Variants in CDK17 observed in about 807,000 individuals in gnomAD.
CDK17 encodes cyclin-dependent kinase 17.
In CDK17, 24 loss-of-function variants were observed where a neutral mutation model predicts 77.6. The observed-to-expected ratio is 0.31, with a 90% CI of 0.22 to 0.44. The LOEUF (loss-of-function observed/expected upper bound fraction) is 0.44. Ranked by LOEUF, CDK17 falls within the 20% of genes least tolerant of loss-of-function variation. CDK17 has a pLI of 1.00. For synonymous variants in CDK17, 203 were observed against 210.4 expected (o/e 0.96, Z 0.30); for missense variants, 429 against 622.5 (o/e 0.69, Z 3.31).
chr12:96,300,295 TTTAC>T lies in CDK17; in HGVS notation c.600+5_600+8del. 1 of 1,564,876 alleles carries T rather than the reference TTTAC, an allele frequency of 6.4e-7. No homozygotes were observed. The highest frequency in any genetic ancestry group is 8.7e-7 in the Non-Finnish European group (1 of 1,145,570). On this transcript the variant is annotated splice_donor_5th_base_variant and intron_variant, in intron 6 of 16. Coordinates refer to ENST00000261211, the MANE Select transcript of CDK17 (RefSeq NM_002595.5). ...AAATGTGTCTTACATTTTTGAGATA[TTTAC>T]TTACCTCTCCAAGCTTTTCCAATTT...
chr12:96,331,323 T>C (rs1037432451), intron 2 of CDK17, among the ~76,000 whole-genome samples: 1 of 152,216 alleles, frequency 6.6e-6, no homozygotes, highest in Non-Finnish European at 1.5e-5. Context: ...CAAAATTCTT[T>C]TTCTTCCAGG....
In CDK17 at chr12:96,280,237, C is replaced by T; in HGVS notation, c.*5G>A. On this transcript the variant is annotated 3_prime_UTR_variant, in exon 17 of 17. Transcript: ENST00000261211. ...GGGGCTGGGCTTGAAACCATGTTAT[C>T]AGACTTAAAAGAGCATGCTCTGTCT... 2 of 1,550,172 alleles carry T rather than the reference C, an allele frequency of 1.3e-6. No homozygotes were observed. Among genetic ancestry groups the T allele is most frequent in the East Asian group, 4.9e-5 (2 of 40,826 alleles).
Position 96,278,998 on chromosome 12 carries a change from T to C in CDK17, c.*1244A>G, listed in dbSNP as rs1952139530. ...AATTAAGTTATGACTATTTTCATGATATATAAGGCAAAAATTTACACGACC... is the reference window on the plus strand; with the variant it reads ...AATTAAGTTATGACTATTTTCATGACATATAAGGCAAAAATTTACACGACC... On this transcript the variant is annotated 3_prime_UTR_variant, in exon 17 of 17. Transcript: ENST00000261211. The C allele has an allele frequency of 6.6e-6, 1 of 152,586 alleles. No individual in the cohort carries two copies. Among genetic ancestry groups the C allele is most frequent in the African/African-American group, 2.4e-5 (1 of 41,460 alleles). The allele number at this position is 152,586 out of a possible 1,614,324, so 9.5% of individuals were successfully genotyped here. A position where few individuals can be genotyped will look rare whatever the true frequency, so the allele number is the denominator to read the frequency against.
At chr12:96,325,516 G>A (rs531261820) in intron 2 of CDK17, among the ~76,000 whole-genome samples, 2 of 152,318 alleles carry the variant, frequency 1.3e-5, no homozygotes, top group African/African-American at 4.8e-5. Flanking sequence ...CCAGAGAAAT[G>A]GGCCAAGAAG....
chr12:96,337,925 C>G (rs577227253), intron 1 of CDK17, among the ~76,000 whole-genome samples: 1 of 152,300 alleles, frequency 6.6e-6, no homozygotes, highest in South Asian at 2.1e-4. Flanking sequence ...GAGATAACCT[C>G]CGAGCCCTTG....
At chr12:96,310,153 A>G (rs948335186) in intron 5 of CDK17, among the ~76,000 whole-genome samples, 6 of 152,184 alleles carry the variant, frequency 3.9e-5, no homozygotes, top group African/African-American at 1.4e-4. Context: ...AAAACGAATT[A>G]TCTATAATTA....
intron 1 of CDK17, among the ~76,000 whole-genome samples, chr12:96,361,108 C>G (rs1953486469): frequency 6.6e-6 from 1 of 152,136 alleles, no homozygotes; most frequent in African/African-American, 2.4e-5. Context: ...GAAAAGAAAA[C>G]TACGTGTCAA....
intron 5 of CDK17, among the ~76,000 whole-genome samples, chr12:96,307,583 T>C (rs148253269): frequency 6.6e-6 from 1 of 152,188 alleles, no homozygotes; most frequent in African/African-American, 2.4e-5. Flanking sequence ...CCAATAAAAA[T>C]GTCTTGGCCA....
chr12:96,333,177 G>A (rs1952995522), intron 2 of CDK17, among the ~76,000 whole-genome samples: 1 of 151,962 alleles, frequency 6.6e-6, no homozygotes, highest in Non-Finnish European at 1.5e-5. Context: ...ATTCAATGAG[G>A]GGGTCTAAAA....
At position 96,297,344 on chromosome 12, in the gene CDK17, C is replaced by T. The variant is rs369774586; in HGVS notation, c.811-12G>A. 1.9e-4 allele frequency: 303 copies of T among 1,570,560 alleles called. No individual in the cohort carries two copies. Among genetic ancestry groups the T allele is most frequent in the Non-Finnish European group, 2.5e-4 (284 of 1,142,668 alleles). On this transcript the variant is annotated splice_polypyrimidine_tract_variant and intron_variant, in intron 8 of 16. Transcript: ENST00000261211. Reference sequence around the variant, plus strand: ...TTCAGGTCTTTATCCTGGAAAAACACAGCACTCTGCTATGTGATACACCAT... The same window carrying T: ...TTCAGGTCTTTATCCTGGAAAAACATAGCACTCTGCTATGTGATACACCAT...
chr12:96,340,722 C>G (rs755160432), intron 1 of CDK17, among the ~76,000 whole-genome samples: 12 of 152,086 alleles, frequency 7.9e-5, no homozygotes, highest in Non-Finnish European at 1.5e-4. Flanking sequence ...TTAATATTTA[C>G]TATAATAGGG....
At chr12:96,397,717 G>C (rs1954193780) in intron 1 of CDK17, among the ~76,000 whole-genome samples, 1 of 151,868 alleles carries the variant, frequency 6.6e-6, no homozygotes, top group Non-Finnish European at 1.5e-5. Flanking sequence ...TAACACTGAA[G>C]GTTCAATTTT....
intron 1 of CDK17, among the ~76,000 whole-genome samples, chr12:96,380,578 T>C (rs1450375202): frequency 6.6e-6 from 1 of 152,158 alleles, no homozygotes; most frequent in Non-Finnish European, 1.5e-5. Context: ...CGTGAGACAC[T>C]GTGCCCGGCC....
intron 2 of CDK17, among the ~76,000 whole-genome samples, chr12:96,329,810 C>G (rs998559851): frequency 7.9e-5 from 12 of 152,186 alleles, no homozygotes; most frequent in African/African-American, 2.9e-4. Context: ...AAGACAGAGG[C>G]TCACAATATC....
intron 5 of CDK17, among the ~76,000 whole-genome samples, chr12:96,302,843 T>C (rs892004051): frequency 2.0e-5 from 3 of 152,156 alleles, no homozygotes; most frequent in Admixed American, 6.5e-5. Flanking sequence ...AAGTTTAAAT[T>C]TGAATAATCA....
chr12:96,365,119 T>C (rs1367757307), intron 1 of CDK17, among the ~76,000 whole-genome samples: 1 of 152,212 alleles, frequency 6.6e-6, no homozygotes, highest in East Asian at 1.9e-4. Flanking sequence ...ATATATTCAA[T>C]GTTAAATAAA....
At chr12:96,351,904 C>T (rs1316675876) in intron 1 of CDK17, among the ~76,000 whole-genome samples, 1 of 152,258 alleles carries the variant, frequency 6.6e-6, no homozygotes, top group East Asian at 1.9e-4. Context: ...ACTGTTGTTG[C>T]TCCCAGCTTA....
intron 10 of CDK17, among the ~76,000 whole-genome samples, chr12:96,294,431 A>G (rs1355534507): frequency 6.6e-6 from 1 of 151,622 alleles, no homozygotes; most frequent in African/African-American, 2.4e-5. Flanking sequence ...TAAAAATACA[A>G]AATTAGCCAG....
intron 1 of CDK17, among the ~76,000 whole-genome samples, chr12:96,349,179 C>T (rs1435861532): frequency 6.6e-6 from 1 of 152,130 alleles, no homozygotes; most frequent in Non-Finnish European, 1.5e-5. Context: ...TGTAGCCAGG[C>T]GCAGTGGCTC....
Sources: allele counts gnomAD v4.1 joint callset (sites outside exome capture counted in the v4.1 genomes callset), GRCh38; gene constraint gnomAD v4.1.1; transcripts MANE v1.5; gene names NCBI Gene and HGNC (gene_info 2026-07-23, HGNC 2026-07-21).